UBR4: variants seen among roughly 807,000 people sequenced by gnomAD.
UBR4 encodes ubiquitin protein ligase E3 component n-recognin 4.
Under a neutral mutation model 575.6 loss-of-function variants are expected in UBR4, and 124 were observed. The ratio of observed to expected loss-of-function variants is 0.22; its 90% CI spans 0.19 to 0.25. The LOEUF (loss-of-function observed/expected upper bound fraction) is 0.25, where lower values mean the gene tolerates loss of function less well. Among genes scored for constraint, UBR4 ranks in the 10% least tolerant of loss-of-function variants. UBR4 has a pLI of 1.00. For synonymous variants in UBR4, 2,455 were observed against 2,473.7 expected (o/e 0.99, Z 0.22); for missense variants, 4,818 against 6,478.8 (o/e 0.74, Z 8.80).
intron 13 of UBR4, 24 bp from the exon 14 acceptor site, chr1:19,186,681 C>T (rs2091554115): frequency 1.2e-6 from 2 of 1,606,984 alleles, no homozygotes; most frequent in African/African-American, 1.3e-5. Context: ...AATTACAAAA[C>T]CGGAGCCATC....
intron 1 of UBR4, among the ~76,000 whole-genome samples, chr1:19,207,459 T>C (rs1056844241): frequency 3.9e-5 from 6 of 152,224 alleles, no homozygotes; most frequent in Admixed American, 6.5e-5. Context: ...TGAAACCTCG[T>C]CTCTACTACA....
chr1:19,160,859 A>C (rs2087228979), intron 38 of UBR4, 58 bp downstream of exon 38: 2 of 1,546,568 alleles, frequency 1.3e-6, no homozygotes, highest in African/African-American at 2.7e-5. Flanking sequence ...TTACTCTCAC[A>C]CCAATTCAAC....
chr1:19,084,742 G>C (rs749659059), intron 101 of UBR4, 44 bp from the exon 102 acceptor site: 1 of 1,556,078 alleles, frequency 6.4e-7, no homozygotes. Flanking sequence ...GTGAGTTCCT[G>C]GTGAAAACCC....
chr1:19,146,136 T>A (rs748926496), intron 52 of UBR4: 24 of 1,518,528 alleles, frequency 1.6e-5, no homozygotes, highest in Admixed American at 2.1e-5. Flanking sequence ...GAAAACATTG[T>A]ATGTTAGAAT....
chr1:19,097,626 C>T (rs1205434138), intron 90 of UBR4, among the ~76,000 whole-genome samples: 2 of 152,182 alleles, frequency 1.3e-5, no homozygotes, highest in Admixed American at 6.5e-5. Flanking sequence ...GATCCTTTTA[C>T]ATAAGGTTAC....
At chr1:19,200,175 G>A (rs901680584) in intron 2 of UBR4, among the ~76,000 whole-genome samples, 24 of 151,814 alleles carry the variant, frequency 1.6e-4, no homozygotes, top group Admixed American at 6.6e-4. Context: ...TAAACCAGGA[G>A]TGTGCAATCT....
intron 8 of UBR4, among the ~76,000 whole-genome samples, chr1:19,194,938 CTG>C (rs922448067): frequency 2.4e-4 from 36 of 151,714 alleles, no homozygotes; most frequent in Non-Finnish European, 4.3e-4. Flanking sequence ...CATAGCAAGA[CTG>C]TATTTCTTAA....
At chr1:19,118,257 T>C (rs2080772855) in intron 71 of UBR4, 1 of 180,454 alleles carries the variant, frequency 5.5e-6, no homozygotes, top group African/African-American at 2.4e-5. Context: ...CTCAATAAAG[T>C]TTTTTTAAAT....
chr1:19,159,354 A>G (rs2086927594), intron 39 of UBR4, among the ~76,000 whole-genome samples: 1 of 152,214 alleles, frequency 6.6e-6, no homozygotes, highest in East Asian at 1.9e-4. Flanking sequence ...CCCATGTGAC[A>G]TGAAAAACTA....
chr1:19,207,980 C>T (rs1478736891), intron 1 of UBR4, among the ~76,000 whole-genome samples: 1 of 152,244 alleles, frequency 6.6e-6, no homozygotes, highest in African/African-American at 2.4e-5. Flanking sequence ...TGGCCATTTA[C>T]AGGACGTTTG....
chr1:19,188,946 G>A (rs1306113027), intron 11 of UBR4, among the ~76,000 whole-genome samples: 1 of 152,062 alleles, frequency 6.6e-6, no homozygotes, highest in Non-Finnish European at 1.5e-5. Flanking sequence ...TCTAGCCTAG[G>A]AGACAAAGTG....
chr1:19,165,719 T>C lies in UBR4; in HGVS notation c.4148A>G (p.Tyr1383Cys). The change falls in exon 30 of 106, where the codon TAC becomes TGC. Residue 1383 changes from tyrosine (Y) to cysteine (C), a missense_variant. This residue lies in a region of UBR4 where 1,172 missense variants were observed against 1,259.7 expected (regional missense o/e 0.93). Coordinates refer to ENST00000375254, the MANE Select transcript of UBR4 (RefSeq NM_020765.3). Reference protein sequence around the residue: ...DESILEECLQYLEKQLESSQA... With the variant: ...DESILEECLQCLEKQLESSQA... ...GCTACTTTCCAGCTGCTTTTCCAAG[T>C]ACTGGAGACATTCCTCCAGGATGGA... is the stretch of plus-strand genomic sequence containing the variant. 6.2e-7 allele frequency: 1 copy of C among 1,614,180 alleles called. No individual in the cohort carries two copies. Among genetic ancestry groups the C allele is most frequent in the African/African-American group, 1.3e-5 (1 of 75,062 alleles).
At chr1:19,177,777 GAA>G in intron 18 of UBR4, 34 bp from the exon 19 acceptor site, 1 of 1,594,050 alleles carries the variant, frequency 6.3e-7, no homozygotes, top group Non-Finnish European at 8.5e-7. Context: ...TATCTGGTGG[GAA>G]AAAGAGCATT....
At position 19,176,732 on chromosome 1, in the gene UBR4, T is replaced by C. The variant is rs1375378019; in HGVS notation, c.2638-5A>G. On this transcript the variant is annotated splice_polypyrimidine_tract_variant and splice_region_variant and intron_variant, in intron 19 of 105. Coordinates refer to ENST00000375254, the MANE Select transcript of UBR4 (RefSeq NM_020765.3). The stretch of plus-strand genomic sequence containing the variant: ...ACTTAGCAGGTTATGCTGTACCTTT[T>C]AAAACACAAATACTGAAATTAAGAA... The C allele has an allele frequency of 1.2e-6, 2 of 1,612,382 alleles. No homozygotes were observed. Among genetic ancestry groups the C allele is most frequent in the East Asian group, 2.2e-5 (1 of 44,870 alleles).
chr1:19,197,354 C>A, intron 7 of UBR4, 89 bp from the exon 8 acceptor site: 3 of 1,540,728 alleles, frequency 1.9e-6, no homozygotes, highest in Non-Finnish European at 2.7e-6. Flanking sequence ...ATGGGCCCGG[C>A]ACAGTGGCTC....
chr1:19,193,124 AT>A (rs1164235696), intron 9 of UBR4, among the ~76,000 whole-genome samples: 7 of 152,164 alleles, frequency 4.6e-5, no homozygotes, highest in Admixed American at 6.5e-5. Flanking sequence ...CTTAATCACT[AT>A]CGGAAATTTT....
At chr1:19,174,565 A>G in intron 21 of UBR4, 118 bp from the exon 22 acceptor site, 2 of 1,397,854 alleles carry the variant, frequency 1.4e-6, no homozygotes, top group Non-Finnish European at 1.9e-6. Context: ...CATAATCATT[A>G]ATTTCTCCTT....
chr1:19,104,803 TC>T, intron 85 of UBR4, 137 bp from the exon 86 acceptor site: 1 of 1,138,924 alleles, frequency 8.8e-7, no homozygotes, highest in African/African-American at 1.5e-5. Flanking sequence ...AGAACTCCTT[TC>T]CAGGAAGCCA....
chr1:19,121,828 T>C, intron 67 of UBR4, 106 bp downstream of exon 67: 8 of 1,282,226 alleles, frequency 6.2e-6, no homozygotes, highest in Non-Finnish European at 8.9e-6. Flanking sequence ...GTCTATCTTG[T>C]TCACAGCTAT....
Sources: gnomAD v4.1 joint callset for allele counts (sites outside exome capture counted in the v4.1 genomes callset) on GRCh38, gnomAD v4.1.1 for gene constraint, gnomAD v4.1.1 regional missense constraint, MANE v1.5 for transcripts, NCBI Gene and HGNC (gene_info 2026-07-23, HGNC 2026-07-21) for gene names.